SLC26A8: variants seen among roughly 807,000 people sequenced by gnomAD.
SLC26A8 encodes solute carrier family 26 member 8.
Under a neutral mutation model 105.0 loss-of-function variants are expected in SLC26A8, and 70 were observed. The observed-to-expected ratio is 0.67, with a 90% confidence interval of 0.55 to 0.81. SLC26A8 has a LOEUF of 0.81. SLC26A8 is among the 40% of genes least tolerant of loss of function. SLC26A8 has a pLI of 0.00. For missense variants in SLC26A8, 998 were observed against 1,181.8 expected (o/e 0.84, Z 2.28); for synonymous variants, 415 against 438.3 (o/e 0.95, Z 0.66).
intron 14 of SLC26A8, 89 bp from the exon 15 acceptor site, chr6:35,959,895 G>C: frequency 2.9e-6 from 3 of 1,024,332 alleles, no homozygotes; most frequent in Non-Finnish European, 4.3e-6. Context: ...TAGAGAGTCT[G>C]TATTCTTCTT....
chr6:35,958,748 A>G (rs754701150), intron 16 of SLC26A8, among the ~76,000 whole-genome samples: 20 of 152,098 alleles, frequency 1.3e-4, no homozygotes, highest in Non-Finnish European at 2.6e-4. Context: ...GAGGATGTAA[A>G]TCTTTGTGTA....
chr6:36,024,323 A>G (rs1385275078), intron 1 of SLC26A8, 181 bp downstream of exon 1: 2 of 392,812 alleles, frequency 5.1e-6, no homozygotes, highest in African/African-American at 2.2e-5. Context: ...GAAAGTAGAG[A>G]CAATACCTCA....
At chr6:35,975,826 T>TCGCTTGAAC (rs1039244602) in intron 9 of SLC26A8, among the ~76,000 whole-genome samples, 9 of 147,544 alleles carry the variant, frequency 6.1e-5, no homozygotes, top group African/African-American at 1.0e-4. Flanking sequence ...GGCAGGAGAA[T>TCGCTTGAAC]CGCTTGAACC....
At chr6:36,004,275 C>T (rs1427754745) in intron 3 of SLC26A8, among the ~76,000 whole-genome samples, 11 of 151,770 alleles carry the variant, frequency 7.2e-5, no homozygotes, top group African/African-American at 2.7e-4. Flanking sequence ...CAGGGTGTCA[C>T]TGTGTTGCCA....
chr6:35,984,976 C>G (rs376212234), intron 7 of SLC26A8, among the ~76,000 whole-genome samples: 3 of 152,176 alleles, frequency 2.0e-5, no homozygotes, highest in South Asian at 2.1e-4. Flanking sequence ...CATTTACAAC[C>G]CATTCTCTTT....
rs1233937397 is a variant in SLC26A8 at position 36,012,437 on chromosome 6, A to AAGGCATTTGGCCCACAT, written c.189-82_189-66dup. On this transcript the variant is annotated intron_variant, in intron 2 of 19. Transcript: ENST00000490799. ...AAGAAAATGCCCGCATAGCCAAGAA[A>AAGGCATTTGGCCCACAT]AGGCATTTGGCCCACATAGCCAAGA... The AAGGCATTTGGCCCACAT allele has an allele frequency of 1.8e-5, 27 of 1,518,532 alleles. 1 individual carries two copies. The highest frequency in any genetic ancestry group is 1.2e-4 in the East Asian group (5 of 42,800). 94.1% of individuals were successfully genotyped at this position (1,518,532 alleles called of 1,614,324 possible). A position where few individuals can be genotyped will look rare whatever the true frequency, so the allele number is the denominator to read the frequency against.
chr6:35,954,916 G>A, intron 17 of SLC26A8: 1 of 436,980 alleles, frequency 2.3e-6, no homozygotes, highest in South Asian at 2.2e-5. Flanking sequence ...CTGCACTCCA[G>A]CCTGGGCAAC....
In SLC26A8 at chr6:35,948,213, T is replaced by C. The variant is rs547386684; in HGVS notation, c.2472+2950A>G. Among the ~76,000 whole-genome samples the C allele has an allele frequency of 2.9e-3, 444 of 152,316 alleles. 2 individuals carry two copies. Among genetic ancestry groups the C allele is most frequent in the African/African-American group, 9.5e-3 (397 of 41,572 alleles). On this transcript the variant is annotated intron_variant, in intron 19 of 19. Transcript: ENST00000490799. ...GGAAGAATAAATTGGTGAGAATGAC[T>C]TAGCAAATTTTGAAATAGAACACTG...
intron 19 of SLC26A8, among the ~76,000 whole-genome samples, chr6:35,945,142 G>A (rs1183576824): frequency 1.3e-5 from 2 of 152,252 alleles, no homozygotes; most frequent in African/African-American, 4.8e-5. Flanking sequence ...GAGCCACTGT[G>A]CCCAACCTTT....
chr6:35,993,429 G>C (rs896126598), intron 5 of SLC26A8, among the ~76,000 whole-genome samples: 1 of 151,954 alleles, frequency 6.6e-6, no homozygotes, highest in African/African-American at 2.4e-5. Context: ...CAGTGGGATC[G>C]AGCTCAAACT....
chr6:36,004,847 T>A (rs2127362099), intron 3 of SLC26A8, among the ~76,000 whole-genome samples: 1 of 141,690 alleles, frequency 7.1e-6, no homozygotes, highest in African/African-American at 2.6e-5. Context: ...TTTTTTTTAG[T>A]AGAGACAAGG....
At chr6:35,949,540 ATG>A (rs1202376568) in intron 19 of SLC26A8, among the ~76,000 whole-genome samples, 14 of 152,136 alleles carry the variant, frequency 9.2e-5, no homozygotes, top group Non-Finnish European at 1.0e-4. Flanking sequence ...AATCTAGAAA[ATG>A]TGTCTTATTT....
chr6:35,995,797 C>T (rs1007986169), intron 5 of SLC26A8, among the ~76,000 whole-genome samples: 1 of 152,090 alleles, frequency 6.6e-6, no homozygotes, highest in African/African-American at 2.4e-5. Context: ...AGATGTGAGC[C>T]ACCATGCCCA....
At chr6:35,955,100 G>A (rs1437742761) in intron 17 of SLC26A8, 52 bp downstream of exon 17, 2 of 1,609,388 alleles carry the variant, frequency 1.2e-6, no homozygotes, top group Non-Finnish European at 1.7e-6. Flanking sequence ...GGGTGGGGTT[G>A]GGATGGTAGG....
intron 5 of SLC26A8, among the ~76,000 whole-genome samples, chr6:35,995,107 T>C (rs1761315142): frequency 6.6e-6 from 1 of 152,222 alleles, no homozygotes; most frequent in African/African-American, 2.4e-5. Context: ...ACATGTAAAA[T>C]ACCTAGCTCA....
chr6:35,950,238 A>T (rs1284700875), intron 19 of SLC26A8, among the ~76,000 whole-genome samples: 2 of 151,454 alleles, frequency 1.3e-5, no homozygotes, highest in African/African-American at 4.9e-5. Context: ...GTTTTTGGAA[A>T]CCTTTAACCT....
At chr6:36,004,853 C>T (rs1196925996) in intron 3 of SLC26A8, among the ~76,000 whole-genome samples, 1 of 126,122 alleles carries the variant, frequency 7.9e-6, no homozygotes, top group African/African-American at 3.0e-5. Flanking sequence ...TTAGTAGAGA[C>T]AAGGGTTTCA....
chr6:35,952,147 T>C (rs549303535), intron 17 of SLC26A8, among the ~76,000 whole-genome samples: 1 of 152,090 alleles, frequency 6.6e-6, no homozygotes, highest in South Asian at 2.1e-4. Context: ...CAGGCACAGG[T>C]GTGAGGCAAA....
intron 7 of SLC26A8, 134 bp from the exon 8 acceptor site, chr6:35,982,337 G>A: frequency 1.3e-6 from 1 of 755,810 alleles, no homozygotes; most frequent in Non-Finnish European, 2.2e-6. Context: ...ATGCATGCAA[G>A]TTGGAGAGAG....
Sources: gnomAD v4.1 joint callset for allele counts (sites outside exome capture counted in the v4.1 genomes callset) on GRCh38, gnomAD v4.1.1 for gene constraint, MANE v1.5 for transcripts, NCBI Gene and HGNC (gene_info 2026-07-23, HGNC 2026-07-21) for gene names.